The following PALS1 variants were observed in gnomAD, a reference collection of about 807,000 sequenced individuals.
PALS1 encodes the protein protein associated with LIN7 1, MAGUK p55 family member, also known as protein PALS1.
A neutral mutation model predicts 78.9 loss-of-function variants in PALS1; 31 were observed. The ratio of observed to expected loss-of-function variants is 0.39; its 90% CI spans 0.30 to 0.53. PALS1 has a LOEUF of 0.53. Among genes scored for constraint, PALS1 ranks in the 20% least tolerant of loss-of-function variants. The probability of loss-of-function intolerance (pLI) is 0.67; values close to 1 mark genes in which losing one functional copy is unlikely to be tolerated. For missense variants in PALS1, 704 were observed against 826.5 expected, an observed-to-expected ratio of 0.85 and a Z score of 1.82; for synonymous variants, 276 against 270.9, an observed-to-expected ratio of 1.02 and a Z score of -0.18.
chr14:67,308,906 G>C (rs1028822299), intron 8 of PALS1, among the ~76,000 whole-genome samples: 4 of 151,702 alleles, frequency 2.6e-5, no homozygotes, highest in African/African-American at 9.7e-5. Context: ...TGGAACATTG[G>C]ATCCCTAAAA....
chr14:67,320,224 C>T lies in PALS1; in HGVS notation c.1370-6C>T, dbSNP rs1019917027. The T allele has an allele frequency of 1.0e-5, 16 of 1,593,110 alleles. No individual in the cohort carries two copies. Among genetic ancestry groups the T allele is most frequent in the Non-Finnish European group, 1.2e-5 (14 of 1,172,892 alleles). On this transcript the variant is annotated splice_polypyrimidine_tract_variant and splice_region_variant and intron_variant, in intron 11 of 14. Transcript: ENST00000261681. ...GTTTGAAGAGCTTAACTTTTTTTTC[C>T]CAAAGATTATGACAACGAGGAGATC... is the stretch of plus-strand genomic sequence containing the variant.
chr14:67,322,476 A>G (rs1360351637), intron 13 of PALS1, among the ~76,000 whole-genome samples: 1 of 152,204 alleles, frequency 6.6e-6, no homozygotes, highest in Non-Finnish European at 1.5e-5. Context: ...ATGTGGTAGA[A>G]TCTGCTGCTC....
intron 8 of PALS1, 28 bp from the exon 9 acceptor site, chr14:67,312,492 CATTTATT>C (rs149327677): frequency 0.021 from 29,438 of 1,423,000 alleles, 375 homozygotes; most frequent in Middle Eastern, 0.083. Context: ...TTTATATTGC[CATTTATT>C]GTTGTTTTTG....
chr14:67,323,897 A>G (rs2085308467), intron 14 of PALS1, 85 bp downstream of exon 14: 1 of 706,152 alleles, frequency 1.4e-6, no homozygotes, highest in South Asian at 1.9e-5. Flanking sequence ...CTTAAAAGCT[A>G]CATTAGCTTG....
rs1360563701 is a variant in PALS1, at chr14:67,335,303, G to C, written c.*2347G>C. 2 of 152,198 alleles carry C rather than the reference G, an allele frequency of 1.3e-5. No individual in the cohort carries two copies. The highest frequency in any genetic ancestry group is 1.3e-4 in the Admixed American group (2 of 15,272). The allele number at this position is 152,198 out of a possible 1,614,324, so 9.4% of individuals were successfully genotyped here. On this transcript the variant is annotated 3_prime_UTR_variant, in exon 15 of 15. Coordinates refer to ENST00000261681, the MANE Select transcript of PALS1 (RefSeq NM_022474.4). ...CCTCCACAAAAGAATATGGAAAAAA[G>C]CCTTGCTGTACACCTAGTTGTACAG...
chr14:67,267,290 C>G (rs1211074976), intron 1 of PALS1, among the ~76,000 whole-genome samples: 1 of 152,032 alleles, frequency 6.6e-6, no homozygotes, highest in African/African-American at 2.4e-5. Context: ...CGGAATTTCA[C>G]TCTTGTCGCC....
chr14:67,299,441 A>C (rs548495411), intron 4 of PALS1, among the ~76,000 whole-genome samples: 14 of 152,214 alleles, frequency 9.2e-5, no homozygotes, highest in Non-Finnish European at 1.6e-4. Context: ...TTCACATTTA[A>C]CATACATCAT....
At chr14:67,295,810 CT>C (rs1172849858) in intron 4 of PALS1, among the ~76,000 whole-genome samples, 2 of 152,100 alleles carry the variant, frequency 1.3e-5, no homozygotes, top group Non-Finnish European at 2.9e-5. Context: ...GCAGTATCTG[CT>C]AAAGCTAATG....
rs1442185208 is a variant in PALS1 at position 67,289,962 on chromosome 14, C to A, written c.368-2549C>A. ...ATTTTTTAAATATTTTTAGTAGAGA[C>A]GGGGTTTCACCGTGTTCGCCAGGAT... is the stretch of plus-strand genomic sequence containing the variant. On this transcript the variant is annotated intron_variant, in intron 3 of 14. Coordinates refer to ENST00000261681, the MANE Select transcript of PALS1 (RefSeq NM_022474.4). 2.0e-5 allele frequency among the ~76,000 whole-genome samples: 3 copies of A among 151,922 alleles called. No individual in the cohort carries two copies. In the East Asian group the frequency reaches 5.8e-4, roughly 29 times the overall value.
intron 1 of PALS1, among the ~76,000 whole-genome samples, chr14:67,253,876 C>T (rs560430277): frequency 6.7e-6 from 1 of 148,786 alleles, no homozygotes; most frequent in South Asian, 2.1e-4. Flanking sequence ...TTCCAGAGTT[C>T]AGTTTCATTA....
intron 8 of PALS1, among the ~76,000 whole-genome samples, chr14:67,305,107 T>G (rs955388528): frequency 6.6e-6 from 1 of 152,190 alleles, no homozygotes; most frequent in Admixed American, 6.5e-5. Context: ...TCTCTGTGCA[T>G]TGTGCTGTTC....
chr14:67,306,117 A>C (rs769753249), intron 8 of PALS1, among the ~76,000 whole-genome samples: 20 of 152,096 alleles, frequency 1.3e-4, no homozygotes, highest in African/African-American at 2.9e-4. Flanking sequence ...CTACAAGTGC[A>C]TGCCACCACA....
At chr14:67,264,708 A>G (rs1338960733) in intron 1 of PALS1, among the ~76,000 whole-genome samples, 1 of 152,214 alleles carries the variant, frequency 6.6e-6, no homozygotes, top group East Asian at 1.9e-4. Context: ...TCTTTTGTCC[A>G]CATTACCTTG....
chr14:67,273,944 T>C (rs1007267045), intron 2 of PALS1, among the ~76,000 whole-genome samples: 3 of 152,252 alleles, frequency 2.0e-5, no homozygotes, highest in African/African-American at 4.8e-5. Flanking sequence ...CTGTTCATAT[T>C]CTTTGCCCAC....
chr14:67,322,163 C>T (rs747685584), intron 13 of PALS1, among the ~76,000 whole-genome samples: 16 of 151,896 alleles, frequency 1.1e-4, no homozygotes, highest in African/African-American at 3.1e-4. Flanking sequence ...CTGGGCAACA[C>T]GGCAAAGCCC....
intron 2 of PALS1, among the ~76,000 whole-genome samples, chr14:67,272,560 A>G (rs888795637): frequency 6.6e-6 from 1 of 152,100 alleles, no homozygotes; most frequent in Non-Finnish European, 1.5e-5. Flanking sequence ...TCCTACTCCT[A>G]TGACTTCTTT....
intron 8 of PALS1, among the ~76,000 whole-genome samples, chr14:67,305,742 C>G (rs1186544107): frequency 6.6e-6 from 1 of 152,176 alleles, no homozygotes; most frequent in African/African-American, 2.4e-5. Context: ...AATTAACTTA[C>G]ACAGATTGTT....
At chr14:67,287,047 C>A (rs938781157) in intron 3 of PALS1, among the ~76,000 whole-genome samples, 16 of 151,844 alleles carry the variant, frequency 1.1e-4, no homozygotes, top group African/African-American at 3.9e-4. Flanking sequence ...GAAATCTTGT[C>A]TCTACAAAAA....
chr14:67,312,526 G>T lies in PALS1; in HGVS notation c.1042-1G>T. 3 of 1,560,474 alleles carry T rather than the reference G, an allele frequency of 1.9e-6. No individual in the cohort carries two copies. Among genetic ancestry groups the T allele is most frequent in the East Asian group, 2.3e-5 (1 of 43,376 alleles). ...TTGTTTTTGCCCTTTTTATCTTTTAGATCCATGTAAAAGCTCATTTTGACT... is the reference window on the plus strand; with the variant it reads ...TTGTTTTTGCCCTTTTTATCTTTTATATCCATGTAAAAGCTCATTTTGACT... On this transcript the variant is annotated splice_acceptor_variant, in intron 8 of 14. Transcript: ENST00000261681. LOFTEE classifies it high-confidence loss of function.
Sources: gnomAD v4.1 joint callset for allele counts (sites outside exome capture counted in the v4.1 genomes callset) on GRCh38, gnomAD v4.1.1 for gene constraint, MANE v1.5 for transcripts, NCBI Gene and HGNC (gene_info 2026-07-23, HGNC 2026-07-21) for gene names.